Variants in DYNC1I1 observed in about 807,000 individuals in gnomAD.
DYNC1I1 encodes dynein cytoplasmic 1 intermediate chain 1.
In DYNC1I1, 43 loss-of-function variants were observed where a neutral mutation model predicts 86.6. The observed-to-expected ratio is 0.50, with a 90% confidence interval of 0.39 to 0.64. The LOEUF (loss-of-function observed/expected upper bound fraction) is 0.64, where lower values mean the gene tolerates loss of function less well. Ranked by LOEUF, DYNC1I1 falls within the 30% of genes least tolerant of loss-of-function variation. The pLI is 0.00. For missense variants in DYNC1I1, 604 were observed against 788.8 expected, an observed-to-expected ratio of 0.77 and a Z score of 2.81; for synonymous variants, 262 against 283.7, an observed-to-expected ratio of 0.92 and a Z score of 0.77.
At chr7:96,021,826 C>A (rs1293655390) in intron 10 of DYNC1I1, among the ~76,000 whole-genome samples, 2 of 152,142 alleles carry the variant, frequency 1.3e-5, no homozygotes, top group Non-Finnish European at 2.9e-5. Context: ...CATGCTATAC[C>A]ATGCATCAGT....
At chr7:95,894,448 T>C (rs1248070170) in intron 6 of DYNC1I1, among the ~76,000 whole-genome samples, 2 of 38,820 alleles carry the variant, frequency 5.2e-5, no homozygotes, top group African/African-American at 1.4e-4. Flanking sequence ...AGGATTTCAA[T>C]ACCTGAATTT....
chr7:95,866,257 A>G (rs1790015084), intron 5 of DYNC1I1, among the ~76,000 whole-genome samples: 1 of 152,164 alleles, frequency 6.6e-6, no homozygotes, highest in Admixed American at 6.5e-5. Context: ...TCCTTTCATT[A>G]TGTCCTAACA....
intron 14 of DYNC1I1, among the ~76,000 whole-genome samples, chr7:96,069,267 G>A (rs547644458): frequency 6.6e-6 from 1 of 152,276 alleles, no homozygotes; most frequent in East Asian, 1.9e-4. Context: ...AATCAAAGGG[G>A]GGCTCTTTTG....
chr7:95,971,757 G>A (rs967123986), intron 6 of DYNC1I1, among the ~76,000 whole-genome samples: 11 of 152,278 alleles, frequency 7.2e-5, no homozygotes, highest in Admixed American at 3.9e-4. Context: ...AAATAATTGT[G>A]CATCTTGCAG....
intron 6 of DYNC1I1, among the ~76,000 whole-genome samples, chr7:95,935,182 G>A (rs1792006388): frequency 1.3e-5 from 2 of 151,830 alleles, no homozygotes; most frequent in Non-Finnish European, 2.9e-5. Context: ...TTGATTCTAT[G>A]AATTTAACTA....
intron 11 of DYNC1I1, among the ~76,000 whole-genome samples, chr7:96,032,203 GT>G (rs1794829422): frequency 6.6e-6 from 1 of 152,110 alleles, no homozygotes. Flanking sequence ...GTTAACAAAT[GT>G]TTGGCATTGT....
At chr7:95,911,858 G>A (rs950246770) in intron 6 of DYNC1I1, among the ~76,000 whole-genome samples, 1 of 152,114 alleles carries the variant, frequency 6.6e-6, no homozygotes, top group Non-Finnish European at 1.5e-5. Flanking sequence ...TTAGAAAAAT[G>A]TGTATAGCTA....
intron 15 of DYNC1I1, among the ~76,000 whole-genome samples, chr7:96,079,006 G>T (rs1434853824): frequency 6.7e-6 from 1 of 150,150 alleles, no homozygotes; most frequent in South Asian, 2.1e-4. Context: ...TAAATGAGCC[G>T]GGGACTTTTG....
chr7:95,993,210 C>A (rs141334871), intron 9 of DYNC1I1, among the ~76,000 whole-genome samples: 1 of 152,074 alleles, frequency 6.6e-6, no homozygotes, highest in Non-Finnish European at 1.5e-5. Context: ...CAAAAACTTG[C>A]GTGAGATAAA....
At chr7:95,982,049 C>T (rs1437188946) in intron 7 of DYNC1I1, among the ~76,000 whole-genome samples, 1 of 152,090 alleles carries the variant, frequency 6.6e-6, no homozygotes, top group Non-Finnish European at 1.5e-5. Flanking sequence ...TCTCTGAATA[C>T]ACCTTTTGGT....
At position 96,016,310 on chromosome 7, in the gene DYNC1I1, T is replaced by G. The variant is rs569793967; in HGVS notation, c.970-11865T>G. On this transcript the variant is annotated intron_variant, in intron 10 of 16. Transcript: ENST00000447467. ...TTAGTAGAACACTTTAGGTTTTTTT[T>G]TTTTTTTTTAATGGTCTCTCTATAA... Among the ~76,000 whole-genome samples the G allele has an allele frequency of 1.2e-4, 18 of 152,130 alleles. No homozygotes were observed. The East Asian group carries it at 3.5e-3, about 29-fold the overall frequency.
intron 5 of DYNC1I1, among the ~76,000 whole-genome samples, chr7:95,837,346 C>A (rs1372461898): frequency 6.6e-6 from 1 of 152,138 alleles, no homozygotes; most frequent in Non-Finnish European, 1.5e-5. Flanking sequence ...CAGCTGCGTA[C>A]TGGAAGAACC....
At chr7:95,978,818 G>A (rs1584220021) in intron 7 of DYNC1I1, among the ~76,000 whole-genome samples, 1 of 149,656 alleles carries the variant, frequency 6.7e-6, no homozygotes, top group African/African-American at 2.5e-5. Flanking sequence ...TTTTTTTTGA[G>A]ACAGAGTCTC....
chr7:96,028,059 T>C (rs1794723156), intron 10 of DYNC1I1, 116 bp from the exon 11 acceptor site: 1 of 1,379,296 alleles, frequency 7.3e-7, no homozygotes, highest in Non-Finnish European at 9.8e-7. Flanking sequence ...CTTTAAATTA[T>C]TTTTTTGTTT....
intron 9 of DYNC1I1, among the ~76,000 whole-genome samples, chr7:95,991,516 A>T (rs142607201): frequency 1.1e-4 from 17 of 152,316 alleles, no homozygotes; most frequent in African/African-American, 4.1e-4. Flanking sequence ...TGCTGTCCTT[A>T]TCCAGACCCC....
intron 6 of DYNC1I1, among the ~76,000 whole-genome samples, chr7:95,957,229 G>A (rs1474752259): frequency 6.6e-6 from 1 of 152,180 alleles, no homozygotes; most frequent in African/African-American, 2.4e-5. Flanking sequence ...GGAACTTTCT[G>A]TAAGACATCT....
At chr7:95,979,001 G>A (rs1026046049) in intron 7 of DYNC1I1, among the ~76,000 whole-genome samples, 1 of 152,076 alleles carries the variant, frequency 6.6e-6, no homozygotes, top group Non-Finnish European at 1.5e-5. Context: ...TCACCATACT[G>A]GCCAGGCTGG....
intron 5 of DYNC1I1, among the ~76,000 whole-genome samples, chr7:95,851,543 T>G (rs575289199): frequency 1.3e-5 from 2 of 152,058 alleles, no homozygotes; most frequent in Non-Finnish European, 2.9e-5. Context: ...GGACTATCTT[T>G]GCATCTCTGG....
At chr7:96,036,534 TTTTAG>T (rs1794931227) in intron 13 of DYNC1I1, among the ~76,000 whole-genome samples, 1 of 152,226 alleles carries the variant, frequency 6.6e-6, no homozygotes, top group Admixed American at 6.5e-5. Context: ...ATTAATCGTA[TTTTAG>T]TTTATTCATT....
Sources: allele counts gnomAD v4.1 joint callset (sites outside exome capture counted in the v4.1 genomes callset), GRCh38; gene constraint gnomAD v4.1.1; transcripts MANE v1.5; gene names NCBI Gene and HGNC (gene_info 2026-07-23, HGNC 2026-07-21).